The following BCAT1 variants were observed in gnomAD, a reference collection of about 807,000 sequenced individuals.
BCAT1 encodes the protein branched-chain-amino-acid aminotransferase, cytosolic.
In BCAT1, 48 loss-of-function variants were observed where a neutral mutation model predicts 52.4. The ratio of observed to expected loss-of-function variants is 0.92; its 90% CI spans 0.73 to 1.16. The LOEUF (loss-of-function observed/expected upper bound fraction) is 1.16. Among genes scored for constraint, BCAT1 ranks in the 50% most tolerant of loss-of-function variants. The pLI is 0.00. For missense variants in BCAT1, 451 were observed against 457.1 expected, an observed-to-expected ratio of 0.99 and a Z score of 0.12; for synonymous variants, 167 against 161.3, an observed-to-expected ratio of 1.04 and a Z score of -0.27.
At chr12:24,887,193 C>G (rs2139624390) in intron 3 of BCAT1, among the ~76,000 whole-genome samples, 1 of 145,508 alleles carries the variant, frequency 6.9e-6, no homozygotes, top group Non-Finnish European at 1.5e-5. Flanking sequence ...AAAGGACAGG[C>G]AAAGGTCATC....
chr12:24,818,257 T>C (rs1939961834), intron 10 of BCAT1, among the ~76,000 whole-genome samples: 1 of 152,116 alleles, frequency 6.6e-6, no homozygotes, highest in African/African-American at 2.4e-5. Flanking sequence ...GATAAAAGCA[T>C]ACATAGGGAG....
chr12:24,867,845 A>G (rs1591822888), intron 5 of BCAT1, among the ~76,000 whole-genome samples: 2 of 152,142 alleles, frequency 1.3e-5, no homozygotes, highest in East Asian at 3.9e-4. Context: ...TCTCTACAAA[A>G]AATACAAAAA....
intron 3 of BCAT1, 116 bp downstream of exon 3, chr12:24,894,159 C>T: frequency 1.0e-6 from 1 of 966,964 alleles, no homozygotes; most frequent in Non-Finnish European, 1.5e-6. Context: ...TTTTCGGCTT[C>T]CTCTGGTAAA....
chr12:24,863,808 G>A (rs896404396), intron 5 of BCAT1, among the ~76,000 whole-genome samples: 1 of 152,118 alleles, frequency 6.6e-6, no homozygotes, highest in Non-Finnish European at 1.5e-5. Context: ...TCACATGCCT[G>A]TAATCCTAGA....
At position 24,881,496 on chromosome 12, in the gene BCAT1, A is replaced by T. The variant is rs566602068; in HGVS notation, c.280-85T>A. On this transcript the variant is annotated intron_variant, in intron 3 of 10. Coordinates refer to ENST00000261192, the MANE Select transcript of BCAT1 (RefSeq NM_005504.7). Reference sequence around the variant, plus strand: ...GAGACTGACTTTCCTATGGGCGTTCATCTTATTCATCCCATAAAGCTGTTG... The same window carrying T: ...GAGACTGACTTTCCTATGGGCGTTCTTCTTATTCATCCCATAAAGCTGTTG... The T allele has an allele frequency of 1.2e-4, 96 of 802,150 alleles. No homozygotes were observed. In the African/African-American group the frequency reaches 1.5e-3, roughly 12 times the overall value. The allele number at this position is 802,150 out of a possible 1,614,324, so 49.7% of individuals were successfully genotyped here.
At chr12:24,912,842 T>C (rs568704332) in intron 1 of BCAT1, among the ~76,000 whole-genome samples, 6 of 152,256 alleles carry the variant, frequency 3.9e-5, no homozygotes, top group African/African-American at 7.2e-5. Flanking sequence ...GCAAAGGGAA[T>C]ACTTCCCCAT....
intron 1 of BCAT1, among the ~76,000 whole-genome samples, chr12:24,930,548 G>A (rs571730289): frequency 4.6e-5 from 7 of 152,288 alleles, no homozygotes; most frequent in South Asian, 2.1e-4. Context: ...TCAAGTGTTC[G>A]CAAGCTACAG....
At chr12:24,875,006 C>CAAA (rs11370314) in intron 5 of BCAT1, among the ~76,000 whole-genome samples, 6 of 138,008 alleles carry the variant, frequency 4.3e-5, no homozygotes, top group African/African-American at 8.1e-5. Context: ...AAGACAGGAC[C>CAAA]AAAAAAAAAA....
At chr12:24,864,833 T>C (rs190906421) in intron 5 of BCAT1, among the ~76,000 whole-genome samples, 1 of 152,280 alleles carries the variant, frequency 6.6e-6, no homozygotes, top group East Asian at 1.9e-4. Context: ...TAACACATGC[T>C]TATCAAGATC....
At chr12:24,892,094 G>GTTTCA (rs1478577955) in intron 3 of BCAT1, among the ~76,000 whole-genome samples, 1 of 111,168 alleles carries the variant, frequency 9.0e-6, no homozygotes, top group African/African-American at 3.1e-5. Flanking sequence ...GTTTTGTTTT[G>GTTTCA]TTTCAATAGA....
At chr12:24,910,891 G>A (rs1351250117) in intron 1 of BCAT1, among the ~76,000 whole-genome samples, 7 of 152,262 alleles carry the variant, frequency 4.6e-5, no homozygotes, top group African/African-American at 1.4e-4. Context: ...ATCACCTGAG[G>A]TCAGGAGTTT....
intron 4 of BCAT1, among the ~76,000 whole-genome samples, chr12:24,879,032 C>T (rs1328791551): frequency 6.6e-6 from 1 of 152,070 alleles, no homozygotes; most frequent in Non-Finnish European, 1.5e-5. Context: ...TCTTACCATA[C>T]CCCCCAATCA....
intron 5 of BCAT1, among the ~76,000 whole-genome samples, chr12:24,864,382 C>T (rs1941941969): frequency 6.6e-6 from 1 of 152,068 alleles, no homozygotes; most frequent in African/African-American, 2.4e-5. Context: ...CCAACAACCC[C>T]AGCTGAGAAG....
intron 1 of BCAT1, among the ~76,000 whole-genome samples, chr12:24,914,238 T>C (rs1943372273): frequency 1.3e-5 from 2 of 152,078 alleles, no homozygotes; most frequent in South Asian, 2.1e-4. Context: ...CATGCTACTA[T>C]GCCCGGCTAA....
chr12:24,849,671 A>G lies in BCAT1; in HGVS notation c.674+115T>C, dbSNP rs1281028556. On this transcript the variant is annotated intron_variant, in intron 6 of 10. Transcript: ENST00000261192. ...TTAAACTGAAAATTAACCATGAAAC[A>G]CAATGAGCATTAAAGTTTGAAAAGT... is the stretch of plus-strand genomic sequence containing the variant. 2.6e-6 allele frequency: 3 copies of G among 1,164,260 alleles called. No homozygotes were observed. The East Asian group carries it at 7.2e-5, about 28-fold the overall frequency. 72.1% of individuals were successfully genotyped at this position (1,164,260 alleles called of 1,614,324 possible).
chr12:24,893,436 C>T lies in BCAT1; in HGVS notation c.279+839G>A, dbSNP rs1304062979. Among the ~76,000 whole-genome samples the T allele has an allele frequency of 4.6e-5, 7 of 152,158 alleles. No homozygotes were observed. In the South Asian group the frequency reaches 1.0e-3, roughly 23 times the overall value. Reference sequence around the variant, plus strand: ...AAAGGTTCCTATGGAGCAAATGAGACCGAATTTGAGCCCAGGATGTCTGAC... The same window carrying T: ...AAAGGTTCCTATGGAGCAAATGAGATCGAATTTGAGCCCAGGATGTCTGAC... On this transcript the variant is annotated intron_variant, in intron 3 of 10. Transcript: ENST00000261192.
chr12:24,905,248 T>A (rs1304946710), intron 1 of BCAT1, among the ~76,000 whole-genome samples: 2 of 152,210 alleles, frequency 1.3e-5, no homozygotes, highest in Non-Finnish European at 2.9e-5. Flanking sequence ...CATACAGGTA[T>A]AAAATAAACT....
intron 1 of BCAT1, among the ~76,000 whole-genome samples, chr12:24,921,438 T>A (rs750268203): frequency 4.6e-5 from 7 of 152,204 alleles, no homozygotes; most frequent in Non-Finnish European, 8.8e-5. Flanking sequence ...GATCCTCCAG[T>A]GAGTTAAAAC....
chr12:24,903,264 G>C (rs968470087), intron 1 of BCAT1: 6 of 501,508 alleles, frequency 1.2e-5, no homozygotes, highest in African/African-American at 2.0e-5. Flanking sequence ...GCGGAGGCCC[G>C]AGAATGCGCG....
Sources: gnomAD v4.1 joint callset for allele counts (sites outside exome capture counted in the v4.1 genomes callset) on GRCh38, gnomAD v4.1.1 for gene constraint, MANE v1.5 for transcripts, NCBI Gene and HGNC (gene_info 2026-07-23, HGNC 2026-07-21) for gene names.